PTPRN2: variants seen among roughly 807,000 people sequenced by gnomAD.
PTPRN2 encodes the protein receptor-type tyrosine-protein phosphatase N2.
PTPRN2 carries 74 observed loss-of-function variants against 118.8 expected under a neutral mutation model. The observed-to-expected ratio is 0.62, with a 90% CI of 0.52 to 0.76. PTPRN2 has a LOEUF of 0.76. Among genes scored for constraint, PTPRN2 ranks in the 30% least tolerant of loss-of-function variants. The pLI is 0.00. For synonymous variants in PTPRN2, 641 were observed against 608.0 expected, an observed-to-expected ratio of 1.05 and a Z score of -0.80; for missense variants, 1,481 against 1,394.4, an observed-to-expected ratio of 1.06 and a Z score of -0.99.
chr7:158,117,964 C>G (rs1171841619), intron 9 of PTPRN2, among the ~76,000 whole-genome samples: 1 of 152,082 alleles, frequency 6.6e-6, no homozygotes, highest in East Asian at 1.9e-4. Flanking sequence ...TGGACAATAA[C>G]TCAAAGCCAT....
chr7:158,371,412 C>T (rs1809985951), intron 2 of PTPRN2, among the ~76,000 whole-genome samples: 1 of 151,784 alleles, frequency 6.6e-6, no homozygotes, highest in African/African-American at 2.4e-5. Flanking sequence ...TAAAATATAT[C>T]CTTATGTTTT....
At chr7:158,554,071 A>G (rs915813819) in intron 1 of PTPRN2, among the ~76,000 whole-genome samples, 1 of 152,210 alleles carries the variant, frequency 6.6e-6, no homozygotes. Flanking sequence ...TTGGGAGTCT[A>G]CAGAACCTTC....
chr7:157,611,116 C>A lies in PTPRN2; in HGVS notation c.2345-7041G>T, dbSNP rs73744811. On this transcript the variant is annotated intron_variant, in intron 15 of 22. Coordinates refer to ENST00000389418, the MANE Select transcript of PTPRN2 (RefSeq NM_002847.5). The surrounding 1 kb of genome is among the most constrained non-coding windows in gnomAD (Gnocchi z 5.9). The stretch of plus-strand genomic sequence containing the variant: ...GCTGGTGTCCGGCTTCCACACTGGA[C>A]GCGTCAAAAGCAGGTCCCAGAGGAG... 1.3e-5 allele frequency among the ~76,000 whole-genome samples: 2 copies of A among 152,202 alleles called. No individual in the cohort carries two copies. The highest frequency in any genetic ancestry group is 2.9e-5 in the Non-Finnish European group (2 of 68,040).
chr7:158,106,597 T>C (rs1815702898), intron 10 of PTPRN2, among the ~76,000 whole-genome samples: 1 of 152,204 alleles, frequency 6.6e-6, no homozygotes, highest in Non-Finnish European at 1.5e-5. Context: ...AGAGGATGTC[T>C]CCAGGGGCTG....
intron 3 of PTPRN2, among the ~76,000 whole-genome samples, chr7:158,276,306 C>T (rs1471324541): frequency 7.8e-5 from 6 of 76,950 alleles, no homozygotes; most frequent in African/African-American, 2.3e-4. Context: ...CACACCCCGG[C>T]CCCGACAGGC....
chr7:157,994,556 ACCGCG>A (rs1554509692), intron 11 of PTPRN2, among the ~76,000 whole-genome samples: 2 of 112,872 alleles, frequency 1.8e-5, no homozygotes, highest in African/African-American at 9.0e-5. Context: ...TAAAATCAGC[ACCGCG>A]TCCCCAGCTT....
intron 9 of PTPRN2, among the ~76,000 whole-genome samples, chr7:158,126,202 C>T (rs1167943182): frequency 3.5e-5 from 1 of 28,960 alleles, no homozygotes; most frequent in East Asian, 1.1e-3. Flanking sequence ...ACAGCGGCGG[C>T]GGAACTTCCT....
intron 12 of PTPRN2, among the ~76,000 whole-genome samples, chr7:157,897,271 T>A (rs557219915): frequency 7.2e-5 from 11 of 152,138 alleles, no homozygotes; most frequent in African/African-American, 2.7e-4. Context: ...ATCTTCCACA[T>A]GCAGGAGACT....
intron 2 of PTPRN2, among the ~76,000 whole-genome samples, chr7:158,488,554 G>C (rs1255141402): frequency 1.3e-5 from 2 of 152,164 alleles, no homozygotes; most frequent in Admixed American, 1.3e-4. Flanking sequence ...CCTCGGTTTC[G>C]CTTCTCAGAC....
chr7:158,362,234 G>A (rs953318484), intron 2 of PTPRN2, among the ~76,000 whole-genome samples: 35 of 152,298 alleles, frequency 2.3e-4, no homozygotes, highest in African/African-American at 7.2e-4. Flanking sequence ...AGAAGAGGCC[G>A]CCCCTGCCCG....
intron 3 of PTPRN2, among the ~76,000 whole-genome samples, chr7:158,265,408 A>C (rs1300036757): frequency 6.8e-6 from 1 of 146,064 alleles, no homozygotes; most frequent in Admixed American, 6.8e-5. Flanking sequence ...CTGCGGGCAC[A>C]CACCTGTGGG....
intron 9 of PTPRN2, among the ~76,000 whole-genome samples, chr7:158,114,880 C>G (rs1481058156): frequency 1.3e-5 from 2 of 152,142 alleles, no homozygotes; most frequent in African/African-American, 2.4e-5. Context: ...TCGGGTAGCA[C>G]AGTCACTCAG....
intron 12 of PTPRN2, among the ~76,000 whole-genome samples, chr7:157,744,938 C>T (rs376400386): frequency 1.3e-5 from 2 of 152,126 alleles, no homozygotes; most frequent in Non-Finnish European, 2.9e-5. Context: ...GGCCCTGAGG[C>T]GTGTCACCTC....
chr7:157,922,322 T>C (rs1798733781), intron 11 of PTPRN2, among the ~76,000 whole-genome samples: 1 of 152,162 alleles, frequency 6.6e-6, no homozygotes, highest in South Asian at 2.1e-4. Context: ...AAGTCTTTCC[T>C]GGGCGATGGG....
At chr7:157,931,904 T>C (rs781747258) in intron 11 of PTPRN2, among the ~76,000 whole-genome samples, 5 of 152,208 alleles carry the variant, frequency 3.3e-5, no homozygotes, top group Non-Finnish European at 7.3e-5. Flanking sequence ...CATGGCTTTC[T>C]ATTGTTACTC....
At chr7:157,770,214 AC>A (rs1175592370) in intron 12 of PTPRN2, among the ~76,000 whole-genome samples, 1 of 152,260 alleles carries the variant, frequency 6.6e-6, no homozygotes, top group Non-Finnish European at 1.5e-5. Flanking sequence ...ACATATTGGA[AC>A]CATGCTTAGC....
At position 157,587,034 on chromosome 7, in the gene PTPRN2, C is replaced by T. The variant is rs2150547484; in HGVS notation, c.2496+8204G>A. On this transcript the variant is annotated intron_variant, in intron 17 of 22. Transcript: ENST00000389418. This position sits in a 1 kb window ranked among gnomAD's most constrained non-coding sequence, Gnocchi z 5.3. ...GGTCATCCTGGGCTGATCAAGGAAG[C>T]TGCCCAGAGACAGTGCATGGTGTGG... 6.6e-6 allele frequency among the ~76,000 whole-genome samples: 1 copy of T among 152,298 alleles called. No individual in the cohort carries two copies. Among genetic ancestry groups the T allele is most frequent in the East Asian group, 1.9e-4 (1 of 5,182 alleles).
At position 157,801,780 on chromosome 7, in the gene PTPRN2, G is replaced by A. The variant is rs911838598; in HGVS notation, c.1788+96893C>T. 6.6e-6 allele frequency among the ~76,000 whole-genome samples: 1 copy of A among 152,184 alleles called. No homozygotes were observed. Among genetic ancestry groups the A allele is most frequent in the African/African-American group, 2.4e-5 (1 of 41,434 alleles). ...GAAGGAAAACGCCCGCTTAGTGGAA[G>A]AACAGAACGGCCGCACAGAAAGTGC... On this transcript the variant is annotated intron_variant, in intron 12 of 22. Coordinates refer to ENST00000389418, the MANE Select transcript of PTPRN2 (RefSeq NM_002847.5). This position sits in a 1 kb window ranked among gnomAD's most constrained non-coding sequence, Gnocchi z 4.2.
chr7:157,871,760 C>T (rs1162710107), intron 12 of PTPRN2, among the ~76,000 whole-genome samples: 1 of 129,646 alleles, frequency 7.7e-6, no homozygotes, highest in Non-Finnish European at 1.6e-5. Flanking sequence ...CACATATGCA[C>T]ACATACACAC....
Sources: gnomAD v4.1 joint callset for allele counts (sites outside exome capture counted in the v4.1 genomes callset) on GRCh38, gnomAD v4.1.1 for gene constraint, Gnocchi (gnomAD v3.1) non-coding constraint, MANE v1.5 for transcripts, NCBI Gene and HGNC (gene_info 2026-07-23, HGNC 2026-07-21) for gene names.